Variants in ADD3 observed in about 807,000 individuals in gnomAD.
ADD3 encodes the protein gamma-adducin.
ADD3 carries 25 observed loss-of-function variants against 80.2 expected under a neutral mutation model. The ratio of observed to expected loss-of-function variants is 0.31; its 90% CI spans 0.23 to 0.44. The LOEUF (loss-of-function observed/expected upper bound fraction) is 0.44. ADD3 is among the 20% of genes least tolerant of loss of function. The pLI, the probability that ADD3 is intolerant of heterozygous loss-of-function variation, is 1.00. For missense variants in ADD3, 829 were observed against 847.5 expected (o/e 0.98, Z 0.27); for synonymous variants, 284 against 289.6 (o/e 0.98, Z 0.20).
chr10:110,096,205 C>T (rs1216221745), intron 1 of ADD3, among the ~76,000 whole-genome samples: 1 of 152,082 alleles, frequency 6.6e-6, no homozygotes, highest in Non-Finnish European at 1.5e-5. Flanking sequence ...AGCATTCTAC[C>T]TAGAAATCTT....
At chr10:110,094,671 A>G (rs1847947096) in intron 1 of ADD3, among the ~76,000 whole-genome samples, 2 of 152,182 alleles carry the variant, frequency 1.3e-5, no homozygotes, top group African/African-American at 2.4e-5. Flanking sequence ...ATTTAAAAGC[A>G]GCTCATGTCT....
At chr10:109,998,731 T>C (rs936455723) in intron 1 of ADD3, among the ~76,000 whole-genome samples, 2 of 152,092 alleles carry the variant, frequency 1.3e-5, no homozygotes, top group Non-Finnish European at 2.9e-5. Flanking sequence ...CTCATGACCT[T>C]TGAACTTACT....
At chr10:110,024,227 G>C (rs1854017896) in intron 1 of ADD3, among the ~76,000 whole-genome samples, 1 of 152,172 alleles carries the variant, frequency 6.6e-6, no homozygotes, top group Non-Finnish European at 1.5e-5. Flanking sequence ...AAGGCATTGG[G>C]CTTTGCAATA....
intron 1 of ADD3, among the ~76,000 whole-genome samples, chr10:110,095,573 C>T (rs977043422): frequency 6.6e-6 from 1 of 152,114 alleles, no homozygotes; most frequent in African/African-American, 2.4e-5. Flanking sequence ...TGTAATATTC[C>T]ACTTTCTGGA....
rs932096805 is a variant in ADD3 at position 110,134,145 on chromosome 10, GATTC to G, written c.*531_*534del. On this transcript the variant is annotated 3_prime_UTR_variant, in exon 15 of 15. Coordinates refer to ENST00000356080, the MANE Select transcript of ADD3 (RefSeq NM_016824.5). The stretch of plus-strand genomic sequence containing the variant: ...AATTTTTTAAAAAGTTTTAAGAAAA[GATTC>G]ATTTGGAATTTTATTCACAGTATAA... The G allele has an allele frequency of 6.6e-6, 1 of 152,470 alleles. No homozygotes were observed. Among genetic ancestry groups the G allele is most frequent in the Non-Finnish European group, 1.5e-5 (1 of 67,972 alleles). 9.4% of individuals were successfully genotyped at this position (152,470 alleles called of 1,614,324 possible). A position where few individuals can be genotyped will look rare whatever the true frequency, so the allele number is the denominator to read the frequency against.
intron 1 of ADD3, among the ~76,000 whole-genome samples, chr10:110,078,029 G>C (rs937549404): frequency 6.6e-6 from 1 of 152,182 alleles, no homozygotes; most frequent in African/African-American, 2.4e-5. Flanking sequence ...GTTGAAAATG[G>C]CTAATTTCTG....
At chr10:110,003,302 G>GGGGT (rs140966434), upstream of ADD3, among the ~76,000 whole-genome samples, 1 of 146,932 alleles carries the variant, frequency 6.8e-6, no homozygotes, top group Non-Finnish European at 1.5e-5. Flanking sequence ...GAACAGTAAG[G>GGGGT]GTGTGTGTGT....
intron 1 of ADD3, among the ~76,000 whole-genome samples, chr10:110,053,224 G>T (rs900110184): frequency 1.3e-5 from 2 of 151,924 alleles, no homozygotes; most frequent in East Asian, 3.9e-4. Flanking sequence ...GTAATAAAAA[G>T]AATGCTGTTG....
chr10:110,104,278 A>G (rs75457266), intron 2 of ADD3, among the ~76,000 whole-genome samples: 1,594 of 152,256 alleles, frequency 0.01, 15 homozygotes, highest in Non-Finnish European at 0.016. Context: ...CAGTCCTACT[A>G]TTTACCAGGA....
At chr10:110,102,603 T>C (rs1848951331) in intron 2 of ADD3, among the ~76,000 whole-genome samples, 1 of 152,094 alleles carries the variant, frequency 6.6e-6, no homozygotes, top group South Asian at 2.1e-4. Context: ...CAAGACCCTG[T>C]CTCAAAAAAA....
chr10:110,075,850 A>G (rs2133701737), intron 1 of ADD3: 1 of 152,314 alleles, frequency 6.6e-6, no homozygotes, highest in East Asian at 1.9e-4. Context: ...TGGTTAATTT[A>G]TCATGTGGCA....
At chr10:110,008,525 A>T (rs1851914452) in intron 1 of ADD3, 1 of 150,192 alleles carries the variant, frequency 6.7e-6, no homozygotes, top group Non-Finnish European at 1.5e-5. Context: ...AGGGGAGCGT[A>T]CCTGCGGGGG....
At chr10:110,098,216 A>G (rs1164348194) in intron 1 of ADD3, among the ~76,000 whole-genome samples, 1 of 152,232 alleles carries the variant, frequency 6.6e-6, no homozygotes, top group South Asian at 2.1e-4. Flanking sequence ...ATGGTTGAAT[A>G]TACTGAAACA....
chr10:110,120,969 C>T (rs1278845059), intron 8 of ADD3, among the ~76,000 whole-genome samples: 2 of 151,654 alleles, frequency 1.3e-5, no homozygotes, highest in African/African-American at 4.9e-5. Context: ...GAAACTGGAT[C>T]CCTTCCTTAC....
rs531933480 is a variant in ADD3, at chr10:110,130,437, A to G, written c.1683A>G (p.Glu561=). The G allele has an allele frequency of 6.2e-7, 1 of 1,614,148 alleles. No homozygotes were observed. Among genetic ancestry groups the G allele is most frequent in the African/African-American group, 1.3e-5 (1 of 75,058 alleles). Residue 561 remains glutamate, a synonymous_variant, in exon 13 of 15, where the codon GAA becomes GAG. Coordinates refer to ENST00000356080, the MANE Select transcript of ADD3 (RefSeq NM_016824.5). ...PNPFSHLTEG[E]LEEYKRTIER... ...CATTTAGTCATCTCACAGAAGGAGA[A>G]CTTGAAGAGTATAAGAGGACAATCG...
intron 1 of ADD3, among the ~76,000 whole-genome samples, chr10:110,072,103 C>G (rs987443566): frequency 6.6e-6 from 1 of 152,152 alleles, no homozygotes. Flanking sequence ...TCTCTGTCAC[C>G]CAGGCTGGAG....
In ADD3 at chr10:110,030,052, G is replaced by A. The variant is rs182904818; in HGVS notation, c.-30+21753G>A. ...AAAGAAAGTGATGATGGCTGGGCACGGTGGCTCACACCTGTAATCCCAGCA... is the reference window on the plus strand; with the variant it reads ...AAAGAAAGTGATGATGGCTGGGCACAGTGGCTCACACCTGTAATCCCAGCA... On this transcript the variant is annotated intron_variant, in intron 1 of 14. Coordinates refer to ENST00000356080, the MANE Select transcript of ADD3 (RefSeq NM_016824.5). Among the ~76,000 whole-genome samples the A allele has an allele frequency of 1.6e-4, 25 of 152,240 alleles. No homozygotes were observed. The East Asian group carries it at 3.3e-3, about 20-fold the overall frequency.
chr10:110,026,343 G>A (rs1378993249), intron 1 of ADD3, among the ~76,000 whole-genome samples: 2 of 150,290 alleles, frequency 1.3e-5, no homozygotes, highest in East Asian at 2.0e-4. Flanking sequence ...GTGCAGTGGC[G>A]TGATCTCGGC....
intron 1 of ADD3, among the ~76,000 whole-genome samples, chr10:110,086,138 G>A (rs553643596): frequency 6.3e-4 from 95 of 151,078 alleles, no homozygotes; most frequent in African/African-American, 2.1e-3. Context: ...AAGGCTGGGC[G>A]CAGTATCTCA....
Sources: allele counts gnomAD v4.1 joint callset (sites outside exome capture counted in the v4.1 genomes callset), GRCh38; gene constraint gnomAD v4.1.1; transcripts MANE v1.5; gene names NCBI Gene and HGNC (gene_info 2026-07-23, HGNC 2026-07-21).